NXPE2: variants seen among roughly 807,000 people sequenced by gnomAD.
The protein encoded by NXPE2 is neurexophilin and PC-esterase domain family member 2, also known as NXPE family member 2.
In NXPE2, 34 loss-of-function variants were observed where a neutral mutation model predicts 34.4. The ratio of observed to expected loss-of-function variants is 0.99; its 90% CI spans 0.75 to 1.31. The LOEUF (loss-of-function observed/expected upper bound fraction) is 1.31, where lower values mean the gene tolerates loss of function less well. Ranked by LOEUF, NXPE2 falls within the 40% of genes most tolerant of loss-of-function variation. The pLI, the probability that NXPE2 is intolerant of heterozygous loss-of-function variation, is 0.00. For missense variants in NXPE2, 649 were observed against 672.5 expected (o/e 0.97, Z 0.39); for synonymous variants, 235 against 231.3 (o/e 1.02, Z -0.15).
At chr11:114,722,354 C>T in the NXPE2 span, among the ~76,000 whole-genome samples, 6 of 152,134 alleles carry the variant, frequency 3.9e-5, no homozygotes, top group Non-Finnish European at 7.4e-5. Context: ...TCCCCTTCCA[C>T]CATGACAGTA....
the NXPE2 span, among the ~76,000 whole-genome samples, chr11:114,673,268 C>T: frequency 5.3e-5 from 8 of 151,318 alleles, no homozygotes; most frequent in Non-Finnish European, 1.0e-4. Context: ...TCAGAATACA[C>T]TTTCAGATGA....
At chr11:114,718,465 G>C in the NXPE2 span, among the ~76,000 whole-genome samples, 1 of 152,158 alleles carries the variant, frequency 6.6e-6, no homozygotes, top group African/African-American at 2.4e-5. Flanking sequence ...ACTTCAAGGA[G>C]AGAAAACATG....
the NXPE2 span, among the ~76,000 whole-genome samples, chr11:114,605,410 T>A: frequency 6.6e-6 from 1 of 151,874 alleles, no homozygotes; most frequent in Non-Finnish European, 1.5e-5. Flanking sequence ...ACCTGGTGGA[T>A]AATAAGTATT....
At chr11:114,523,296 GC>G in the NXPE2 span, among the ~76,000 whole-genome samples, 6 of 151,872 alleles carry the variant, frequency 4.0e-5, no homozygotes, top group African/African-American at 1.5e-4. Flanking sequence ...GAGTCATCTT[GC>G]CTTCTGTCTA....
the NXPE2 span, among the ~76,000 whole-genome samples, chr11:114,619,047 T>C: frequency 3.9e-5 from 6 of 152,124 alleles, no homozygotes; most frequent in Admixed American, 1.3e-4. Context: ...GCCTCATGGG[T>C]AACCACTGTT....
the NXPE2 span, among the ~76,000 whole-genome samples, chr11:114,610,186 T>C: frequency 6.6e-6 from 1 of 151,916 alleles, no homozygotes. Flanking sequence ...TAATAAGTAT[T>C]GCCACGTGGG....
intron 3 of NXPE2, among the ~76,000 whole-genome samples, chr11:114,702,328 A>G (rs1591443290): frequency 7.1e-6 from 1 of 140,760 alleles, no homozygotes; most frequent in East Asian, 2.1e-4. Context: ...CCTAATTTTA[A>G]TGTAGCATCA....
the NXPE2 span, among the ~76,000 whole-genome samples, chr11:114,484,378 C>T: frequency 2.0e-5 from 3 of 152,102 alleles, no homozygotes; most frequent in African/African-American, 7.2e-5. Context: ...TTGAGGACGT[C>T]CTTGATGACT....
chr11:114,638,554 T>C, the NXPE2 span, among the ~76,000 whole-genome samples: 3 of 151,898 alleles, frequency 2.0e-5, no homozygotes, highest in Non-Finnish European at 2.9e-5. Context: ...CTTTTTAGAG[T>C]TTCCCGTTTT....
the NXPE2 span, among the ~76,000 whole-genome samples, chr11:114,767,920 C>T: frequency 1.6e-4 from 24 of 152,172 alleles, no homozygotes; most frequent in East Asian, 3.9e-4. Context: ...AGCTATCTGA[C>T]GGGCTGTGAA....
At chr11:114,757,251 T>A in the NXPE2 span, among the ~76,000 whole-genome samples, 4 of 152,058 alleles carry the variant, frequency 2.6e-5, no homozygotes, top group Admixed American at 2.6e-4. Context: ...TCAACTAAAG[T>A]GAAAAACATC....
At chr11:114,605,275 A>T in the NXPE2 span, among the ~76,000 whole-genome samples, 79 of 151,734 alleles carry the variant, frequency 5.2e-4, 1 homozygote, top group Non-Finnish European at 9.4e-4. Flanking sequence ...AACCACTGTT[A>T]CCTGGTGGAT....
chr11:114,684,849 C>A (rs576474947), intron 2 of NXPE2, among the ~76,000 whole-genome samples: 5 of 152,282 alleles, frequency 3.3e-5, no homozygotes, highest in South Asian at 2.1e-4. Flanking sequence ...AGTTGAATGG[C>A]TAAGTGATTA....
At chr11:114,599,924 TA>T in the NXPE2 span, among the ~76,000 whole-genome samples, 1 of 151,770 alleles carries the variant, frequency 6.6e-6, no homozygotes, top group African/African-American at 2.4e-5. Flanking sequence ...CCCATGGAAT[TA>T]AAAAAAATCT....
At chr11:114,519,367 G>C in the NXPE2 span, among the ~76,000 whole-genome samples, 1 of 152,118 alleles carries the variant, frequency 6.6e-6, no homozygotes, top group South Asian at 2.1e-4. Context: ...GCTTTCTAAA[G>C]AGATGGTAAA....
chr11:114,639,883 T>TATA, the NXPE2 span, among the ~76,000 whole-genome samples: 64,381 of 97,704 alleles, frequency 0.66, 22,087 homozygotes, highest in African/African-American at 0.74. Flanking sequence ...AAATATAAAA[T>TATA]ATGTTATATA....
At chr11:114,766,204 T>A in the NXPE2 span, among the ~76,000 whole-genome samples, 1 of 152,182 alleles carries the variant, frequency 6.6e-6, no homozygotes. Context: ...CAATGCAGGC[T>A]GTTATGAACA....
the NXPE2 span, among the ~76,000 whole-genome samples, chr11:114,769,818 G>A: frequency 2.6e-5 from 4 of 152,068 alleles, no homozygotes; most frequent in East Asian, 1.9e-4. Context: ...TGTCGGGTTG[G>A]GGGGCTAGGG....
chr11:114,631,748 T>G, the NXPE2 span, among the ~76,000 whole-genome samples: 1 of 151,924 alleles, frequency 6.6e-6, no homozygotes, highest in South Asian at 2.1e-4. Flanking sequence ...GGGTAACCAC[T>G]GTCACCCGGT....
Sources: allele counts gnomAD v4.1 joint callset (sites outside exome capture counted in the v4.1 genomes callset), GRCh38; gene constraint gnomAD v4.1.1; transcripts MANE v1.5; gene names NCBI Gene and HGNC (gene_info 2026-07-23, HGNC 2026-07-21).